GABRG3: variants seen among roughly 807,000 people sequenced by gnomAD.
GABRG3 encodes gamma-aminobutyric acid type A receptor subunit gamma3, also known as gamma-aminobutyric acid receptor subunit gamma-3.
Under a neutral mutation model 48.8 loss-of-function variants are expected in GABRG3, and 25 were observed. The observed-to-expected ratio is 0.51, with a 90% CI of 0.37 to 0.72. The LOEUF (loss-of-function observed/expected upper bound fraction) is 0.72. Among genes scored for constraint, GABRG3 ranks in the 30% least tolerant of loss-of-function variants. The pLI is 0.00. For missense variants in GABRG3, 394 were observed against 577.9 expected (o/e 0.68, Z 3.26); for synonymous variants, 227 against 217.6 (o/e 1.04, Z -0.38).
At chr15:27,243,722 T>C (rs1366251998) in intron 3 of GABRG3, among the ~76,000 whole-genome samples, 1 of 152,184 alleles carries the variant, frequency 6.6e-6, no homozygotes, top group African/African-American at 2.4e-5. Flanking sequence ...CATATTCATT[T>C]TGTTAATACC....
intron 6 of GABRG3, among the ~76,000 whole-genome samples, chr15:27,496,101 A>G (rs1468032195): frequency 6.6e-6 from 1 of 152,156 alleles, no homozygotes; most frequent in East Asian, 1.9e-4. Flanking sequence ...TGATTTCTGC[A>G]CTAGGCCTCT....
chr15:27,307,846 C>CAT lies in GABRG3; in HGVS notation c.271-18962_271-18961dup, dbSNP rs1200473359. Among the ~76,000 whole-genome samples, 256 of 122,840 alleles carry CAT rather than the reference C, an allele frequency of 2.1e-3. 2 individuals carry two copies. The highest frequency in any genetic ancestry group is 7.3e-3 in the African/African-American group (245 of 33,342). The allele number at this position is 122,840 out of a possible 152,430, so 80.6% of individuals were successfully genotyped here. A position where few individuals can be genotyped will look rare whatever the true frequency, so the allele number is the denominator to read the frequency against. On this transcript the variant is annotated intron_variant, in intron 3 of 9. Coordinates refer to ENST00000615808, the MANE Select transcript of GABRG3 (RefSeq NM_033223.5). ...TAAACATAAACATATATAAAATAAACATGTTTATATATAAATATATATAAA... is the reference window on the plus strand; with the variant it reads ...TAAACATAAACATATATAAAATAAACATATGTTTATATATAAATATATATAAA...
At chr15:27,023,821 A>G (rs1895939743) in intron 2 of GABRG3, among the ~76,000 whole-genome samples, 1 of 152,188 alleles carries the variant, frequency 6.6e-6, no homozygotes, top group African/African-American at 2.4e-5. Flanking sequence ...TATACCCAGA[A>G]GTGGAACTAC....
intron 5 of GABRG3, among the ~76,000 whole-genome samples, chr15:27,397,949 C>T (rs949624092): frequency 1.9e-4 from 29 of 151,784 alleles, no homozygotes; most frequent in Admixed American, 8.5e-4. Context: ...GGACTACAGG[C>T]GCCCGCCACC....
chr15:27,349,896 T>G (rs2140534984), intron 5 of GABRG3, among the ~76,000 whole-genome samples: 1 of 152,014 alleles, frequency 6.6e-6, no homozygotes, highest in East Asian at 1.9e-4. Context: ...ATGTTTATCT[T>G]TTTGTCATAC....
intron 3 of GABRG3, among the ~76,000 whole-genome samples, chr15:27,289,272 C>CTTT (rs548662687): frequency 1.2e-4 from 18 of 149,042 alleles, no homozygotes; most frequent in African/African-American, 4.2e-4. Context: ...TGCCTCTACT[C>CTTT]TTTTTTTTTT....
intron 5 of GABRG3, among the ~76,000 whole-genome samples, chr15:27,344,375 G>A (rs1894293859): frequency 6.6e-6 from 1 of 152,142 alleles, no homozygotes; most frequent in South Asian, 2.1e-4. Flanking sequence ...AGGTTGTAAA[G>A]GTCAATATAA....
intron 3 of GABRG3, among the ~76,000 whole-genome samples, chr15:27,042,247 G>A (rs1344667258): frequency 6.6e-6 from 1 of 152,124 alleles, no homozygotes; most frequent in African/African-American, 2.4e-5. Context: ...CCCACCCTTC[G>A]TTCCTCTAAA....
chr15:27,311,408 T>TA (rs1485173150), intron 3 of GABRG3, among the ~76,000 whole-genome samples: 1 of 152,106 alleles, frequency 6.6e-6, no homozygotes, highest in East Asian at 1.9e-4. Flanking sequence ...TGCTGGGAGA[T>TA]ACCTGGAGGA....
intron 3 of GABRG3, among the ~76,000 whole-genome samples, chr15:27,188,709 T>G (rs1888186601): frequency 6.6e-6 from 1 of 152,148 alleles, no homozygotes; most frequent in Non-Finnish European, 1.5e-5. Context: ...TTTCTTTTGC[T>G]GTGCAGAAGC....
intron 5 of GABRG3, among the ~76,000 whole-genome samples, chr15:27,437,431 G>C (rs768258410): frequency 2.8e-4 from 43 of 152,158 alleles, no homozygotes; most frequent in Non-Finnish European, 5.7e-4. Context: ...TTAGAACAGA[G>C]GAAAATGGCT....
At chr15:27,200,622 GT>G (rs1328120321) in intron 3 of GABRG3, among the ~76,000 whole-genome samples, 2 of 152,182 alleles carry the variant, frequency 1.3e-5, no homozygotes, top group Non-Finnish European at 2.9e-5. Context: ...AGTTGGCAAA[GT>G]TTTTCTGTAA....
chr15:27,022,124 CT>C (rs1357492482), intron 2 of GABRG3, among the ~76,000 whole-genome samples: 5 of 152,156 alleles, frequency 3.3e-5, no homozygotes, highest in South Asian at 2.1e-4. Flanking sequence ...ATTTCTCTGT[CT>C]TTTTTTCTAC....
chr15:27,274,031 G>T (rs1191743566), intron 3 of GABRG3, among the ~76,000 whole-genome samples: 1 of 152,172 alleles, frequency 6.6e-6, no homozygotes, highest in East Asian at 1.9e-4. Flanking sequence ...TGAGACCTCA[G>T]CTCCTTACCG....
chr15:27,075,093 A>G (rs748558523), intron 3 of GABRG3, among the ~76,000 whole-genome samples: 13 of 152,228 alleles, frequency 8.5e-5, no homozygotes, highest in Non-Finnish European at 1.6e-4. Flanking sequence ...CGATTTTCAA[A>G]AACAATTTTT....
intron 6 of GABRG3, among the ~76,000 whole-genome samples, chr15:27,491,927 G>C (rs1254502955): frequency 1.3e-5 from 2 of 152,124 alleles, no homozygotes; most frequent in African/African-American, 4.8e-5. Context: ...CAATGCTACT[G>C]TTATTTACAG....
At chr15:27,412,364 T>C (rs1887823401) in intron 5 of GABRG3, among the ~76,000 whole-genome samples, 1 of 152,164 alleles carries the variant, frequency 6.6e-6, no homozygotes, top group Non-Finnish European at 1.5e-5. Context: ...CCTTGACCCC[T>C]GGAAATCACT....
chr15:27,488,892 T>A (rs933021246), intron 6 of GABRG3, among the ~76,000 whole-genome samples: 2 of 152,196 alleles, frequency 1.3e-5, no homozygotes, highest in Non-Finnish European at 2.9e-5. Flanking sequence ...AAATTTTTTT[T>A]ATTTTACTTT....
intron 2 of GABRG3, among the ~76,000 whole-genome samples, chr15:26,983,435 C>A (rs917505905): frequency 2.0e-5 from 3 of 152,160 alleles, no homozygotes; most frequent in African/African-American, 4.8e-5. Flanking sequence ...GGCACTCCCA[C>A]TTTGGTCTAA....
Sources: allele counts gnomAD v4.1 joint callset (sites outside exome capture counted in the v4.1 genomes callset), GRCh38; gene constraint gnomAD v4.1.1; transcripts MANE v1.5; gene names NCBI Gene and HGNC (gene_info 2026-07-23, HGNC 2026-07-21).